The following ZNF577 variants were observed in gnomAD, a reference collection of about 807,000 sequenced individuals.
ZNF577 encodes the protein zinc finger protein 577.
A neutral mutation model predicts 13.9 loss-of-function variants in ZNF577; 14 were observed. The observed-to-expected ratio is 1.00, with a 90% CI of 0.66 to 1.57. The LOEUF (loss-of-function observed/expected upper bound fraction) is 1.57, where lower values mean the gene tolerates loss of function less well. Among genes scored for constraint, ZNF577 ranks in the 40% most tolerant of loss-of-function variants. The pLI is 0.00. For missense variants in ZNF577, 555 were observed against 579.2 expected, an observed-to-expected ratio of 0.96 and a Z score of 0.43; for synonymous variants, 203 against 202.9, an observed-to-expected ratio of 1.00 and a Z score of 0.00.
chr19:51,858,973 T>A (rs1460203469), intron 5 of ZNF577, among the ~76,000 whole-genome samples: 2 of 152,218 alleles, frequency 1.3e-5, no homozygotes, highest in Non-Finnish European at 2.9e-5. Flanking sequence ...GAAAACCCCA[T>A]ACATACTACG....
intron 5 of ZNF577, chr19:51,855,868 GC>G (rs1306175864): frequency 1.3e-5 from 2 of 152,140 alleles, no homozygotes; most frequent in African/African-American, 4.8e-5. Flanking sequence ...GGATTTCCAA[GC>G]TTATTTGTCT....
intron 10 of ZNF577, among the ~76,000 whole-genome samples, chr19:51,807,458 A>C (rs2084067545): frequency 1.3e-5 from 2 of 152,178 alleles, no homozygotes; most frequent in Admixed American, 6.5e-5. Flanking sequence ...TGAGTTGGTC[A>C]CGTCCCATGG....
chr19:51,885,442 T>C (rs1362584490), intron 1 of ZNF577, among the ~76,000 whole-genome samples: 2 of 152,216 alleles, frequency 1.3e-5, no homozygotes, highest in Non-Finnish European at 2.9e-5. Context: ...CCATTATGAT[T>C]GGGCATTTGC....
At chr19:51,841,169 A>T (rs1231213111) in intron 8 of ZNF577, among the ~76,000 whole-genome samples, 1 of 152,108 alleles carries the variant, frequency 6.6e-6, no homozygotes, top group Non-Finnish European at 1.5e-5. Flanking sequence ...AAGGAACACC[A>T]CTTTCCGCGG....
downstream of ZNF577, among the ~76,000 whole-genome samples, chr19:51,866,061 G>C (rs922807097): frequency 6.6e-6 from 1 of 151,902 alleles, no homozygotes; most frequent in African/African-American, 2.4e-5. Flanking sequence ...ATTGCAGTGA[G>C]CTGAGATGGC....
intron 3 of ZNF577, 180 bp from the exon 4 acceptor site, chr19:51,878,695 A>T: frequency 1.7e-6 from 1 of 583,540 alleles, no homozygotes. Context: ...CGAAGGCAGT[A>T]CTAGCATAGA....
chr19:51,817,540 C>T (rs998316139), intron 9 of ZNF577: 3 of 150,528 alleles, frequency 2.0e-5, no homozygotes, highest in Admixed American at 2.0e-4. Flanking sequence ...ATTATTGTTT[C>T]CCTATTCCCA....
intron 5 of ZNF577, among the ~76,000 whole-genome samples, chr19:51,845,900 G>C (rs1465907751): frequency 1.3e-5 from 2 of 152,118 alleles, no homozygotes; most frequent in Non-Finnish European, 2.9e-5. Flanking sequence ...TACCTCTCTT[G>C]GCTATTGTGA....
In ZNF577 at chr19:51,824,660, T is replaced by C; in HGVS notation, c.*600-12986A>G. 1 of 1,614,144 alleles carries C rather than the reference T, an allele frequency of 6.2e-7. No individual in the cohort carries two copies. The highest frequency in any genetic ancestry group is 8.5e-7 in the Non-Finnish European group (1 of 1,180,004). On this transcript the variant is annotated intron_variant and NMD_transcript_variant, in intron 9 of 10. Coordinates refer to the ZNF577 transcript ENST00000638827. This position sits in a 1 kb window ranked among gnomAD's most constrained non-coding sequence, Gnocchi z 4.7. ...GCCTCAACCCAATTCTCTACGTCTTTATGGGTCGTAACTTCCAAGAAAGAC... is the reference window on the plus strand; with the variant it reads ...GCCTCAACCCAATTCTCTACGTCTTCATGGGTCGTAACTTCCAAGAAAGAC...
At chr19:51,814,585 C>T (rs1382589985) in intron 9 of ZNF577, among the ~76,000 whole-genome samples, 1 of 151,014 alleles carries the variant, frequency 6.6e-6, no homozygotes, top group Non-Finnish European at 1.5e-5. Flanking sequence ...CCTCCATCTG[C>T]TGGGTTCAAG....
At chr19:51,838,408 A>C (rs1379599936) in intron 9 of ZNF577, among the ~76,000 whole-genome samples, 1 of 151,774 alleles carries the variant, frequency 6.6e-6, no homozygotes, top group Non-Finnish European at 1.5e-5. Context: ...AAAAAAAGCC[A>C]ATGGTTAAAT....
downstream of ZNF577, among the ~76,000 whole-genome samples, chr19:51,867,004 GGAAA>G (rs927325575): frequency 7.0e-6 from 1 of 141,978 alleles, no homozygotes; most frequent in Non-Finnish European, 1.5e-5. Context: ...AAAGGAAGAA[GGAAA>G]GAAAGAAGAA....
Position 51,869,776 on chromosome 19 carries a change from G to A in ZNF577, c.*2756C>T, listed in dbSNP as rs941121990. Among the ~76,000 whole-genome samples, 1 of 152,170 alleles carries A rather than the reference G, an allele frequency of 6.6e-6. No individual in the cohort carries two copies. Among genetic ancestry groups the A allele is most frequent in the Non-Finnish European group, 1.5e-5 (1 of 68,038 alleles). On this transcript the variant is annotated 3_prime_UTR_variant, in exon 6 of 6. Transcript: ENST00000638348. ...GCTAAACAGTCAAGACACACCAGCCGCTAACTAGAATAAGTTGTTAGGCCT... is the reference window on the plus strand; with the variant it reads ...GCTAAACAGTCAAGACACACCAGCCACTAACTAGAATAAGTTGTTAGGCCT...
At position 51,880,392 on chromosome 19, in the gene ZNF577, G is replaced by C; in HGVS notation, c.-10C>G. ...TCGTGGCATTTTTCATGTGTTTCCTGTTATTTCAGCTGCCAAAAAAAAGGA... is the reference window on the plus strand; with the variant it reads ...TCGTGGCATTTTTCATGTGTTTCCTCTTATTTCAGCTGCCAAAAAAAAGGA... On this transcript the variant is annotated 5_prime_UTR_variant, in exon 3 of 6. Transcript: ENST00000638348. 6.2e-7 allele frequency: 1 copy of C among 1,613,884 alleles called. No individual in the cohort carries two copies.
Position 51,870,459 on chromosome 19 carries a change from T to A in ZNF577, c.*2073A>T, listed in dbSNP as rs896536910. Among the ~76,000 whole-genome samples, 5 of 152,202 alleles carry A rather than the reference T, an allele frequency of 3.3e-5. No individual in the cohort carries two copies. In the South Asian group the frequency reaches 8.3e-4, roughly 25 times the overall value. ...GGCAGCCTTTACTGTAGAGCAAATC[T>A]GAGCCACCCACAGAGGCAATACTCC... On this transcript the variant is annotated 3_prime_UTR_variant, in exon 6 of 6. Transcript: ENST00000638348.
intron 5 of ZNF577, among the ~76,000 whole-genome samples, chr19:51,847,631 C>T (rs1373339898): frequency 6.6e-6 from 1 of 152,076 alleles, no homozygotes. Context: ...CTAGTTTCTT[C>T]CTCAATCCAC....
downstream of ZNF577, among the ~76,000 whole-genome samples, chr19:51,866,924 T>C (rs1320494375): frequency 6.6e-6 from 1 of 151,444 alleles, no homozygotes; most frequent in African/African-American, 2.4e-5. Flanking sequence ...GAGGTTGCAG[T>C]GAGCCATGAT....
At chr19:51,850,105 G>A (rs1433123908) in intron 5 of ZNF577, among the ~76,000 whole-genome samples, 1 of 152,200 alleles carries the variant, frequency 6.6e-6, no homozygotes, top group Non-Finnish European at 1.5e-5. Flanking sequence ...GGCGGTGGTG[G>A]AACTTATGAA....
At chr19:51,823,103 T>A (rs945591650) in intron 9 of ZNF577, among the ~76,000 whole-genome samples, 1 of 152,134 alleles carries the variant, frequency 6.6e-6, no homozygotes, top group Non-Finnish European at 1.5e-5. Context: ...TCTCAAGTGA[T>A]CCACTCTCCT....
Sources: gnomAD v4.1 joint callset for allele counts (sites outside exome capture counted in the v4.1 genomes callset) on GRCh38, gnomAD v4.1.1 for gene constraint, Gnocchi (gnomAD v3.1) non-coding constraint, MANE v1.5 for transcripts, NCBI Gene and HGNC (gene_info 2026-07-23, HGNC 2026-07-21) for gene names.